The following FRMPD2 variants were observed in gnomAD, a reference collection of about 807,000 sequenced individuals.
FRMPD2 encodes FERM and PDZ domain-containing protein 2.
FRMPD2 carries 96 observed loss-of-function variants against 140.1 expected under a neutral mutation model. The ratio of observed to expected loss-of-function variants is 0.69; its 90% CI spans 0.58 to 0.81. The LOEUF (loss-of-function observed/expected upper bound fraction) is 0.81. Ranked by LOEUF, FRMPD2 falls within the 40% of genes least tolerant of loss-of-function variation. FRMPD2 has a pLI of 0.00. For synonymous variants in FRMPD2, 449 were observed against 547.6 expected, an observed-to-expected ratio of 0.82 and a Z score of 2.52; for missense variants, 1,240 against 1,447.4, an observed-to-expected ratio of 0.86 and a Z score of 2.32.
chr10:48,207,443 C>G (rs761100202), intron 13 of FRMPD2, among the ~76,000 whole-genome samples: 16 of 152,138 alleles, frequency 1.1e-4, no homozygotes, highest in Non-Finnish European at 2.2e-4. Flanking sequence ...GAGAAAATGA[C>G]CATTCATTTT....
rs551492410 is a variant in FRMPD2 at position 48,207,326 on chromosome 10, A to G, written c.1612-393T>C. On this transcript the variant is annotated intron_variant, in intron 13 of 28. Transcript: ENST00000374201. ...TCTTTTCCTTGTTGTGTCAGAGTCT[A>G]TAGTATTCTCTGTTCCAATCCCTTT... Among the ~76,000 whole-genome samples, 5 of 152,260 alleles carry G rather than the reference A, an allele frequency of 3.3e-5. No individual in the cohort carries two copies. In the South Asian group the frequency reaches 1.0e-3, roughly 32 times the overall value.
At chr10:48,172,615 A>C (rs1374255379) in intron 25 of FRMPD2, among the ~76,000 whole-genome samples, 1 of 151,270 alleles carries the variant, frequency 6.6e-6, no homozygotes, top group Non-Finnish European at 1.5e-5. Flanking sequence ...GTGAAGCCAA[A>C]TGTATCTGAA....
intron 1 of FRMPD2, among the ~76,000 whole-genome samples, chr10:48,261,373 T>C (rs1361508711): frequency 6.6e-6 from 1 of 151,580 alleles, no homozygotes; most frequent in East Asian, 1.9e-4. Context: ...TAATGGTAAA[T>C]TAATATTCCC....
chr10:48,172,507 A>T (rs1838288308), intron 25 of FRMPD2, among the ~76,000 whole-genome samples: 1 of 152,202 alleles, frequency 6.6e-6, no homozygotes, highest in Non-Finnish European at 1.5e-5. Context: ...TTTGCCTTTT[A>T]AAATGATGCT....
chr10:48,181,609 C>T (rs1235881475), intron 20 of FRMPD2, among the ~76,000 whole-genome samples: 1 of 151,910 alleles, frequency 6.6e-6, no homozygotes, highest in African/African-American at 2.4e-5. Context: ...CCTGCTCACC[C>T]TGTGTCTGAC....
At chr10:48,267,640 C>A (rs1367176233) in intron 1 of FRMPD2, among the ~76,000 whole-genome samples, 1 of 152,160 alleles carries the variant, frequency 6.6e-6, no homozygotes. Context: ...CACCAACAAT[C>A]CAATTTCAAA....
At chr10:48,198,101 C>A (rs1838994996) in intron 15 of FRMPD2, among the ~76,000 whole-genome samples, 1 of 152,172 alleles carries the variant, frequency 6.6e-6, no homozygotes, top group Admixed American at 6.5e-5. Context: ...ATTAACTTGT[C>A]TTATGTGATG....
chr10:48,181,824 T>C (rs2132422842), intron 20 of FRMPD2, among the ~76,000 whole-genome samples: 1 of 140,560 alleles, frequency 7.1e-6, no homozygotes, highest in South Asian at 2.2e-4. Context: ...AAGATAAAAA[T>C]ATATATGTAT....
chr10:48,263,015 C>T (rs377739868), intron 1 of FRMPD2, among the ~76,000 whole-genome samples: 1 of 151,896 alleles, frequency 6.6e-6, no homozygotes, highest in African/African-American at 2.4e-5. Context: ...AGAAGGATAG[C>T]CAGAATATCC....
At chr10:48,242,440 T>C in intron 4 of FRMPD2, 88 bp from the exon 5 acceptor site, 1 of 1,149,592 alleles carries the variant, frequency 8.7e-7, no homozygotes, top group South Asian at 1.5e-5. Flanking sequence ...CTTGGAGACA[T>C]GGAAACGGGT....
At chr10:48,188,343 G>A (rs1342507722) in intron 16 of FRMPD2, among the ~76,000 whole-genome samples, 1 of 152,188 alleles carries the variant, frequency 6.6e-6, no homozygotes, top group Non-Finnish European at 1.5e-5. Flanking sequence ...GAACAGGGGC[G>A]GTGGGGGGAG....
chr10:48,186,614 C>T (rs1218248117), intron 17 of FRMPD2, among the ~76,000 whole-genome samples: 1 of 152,234 alleles, frequency 6.6e-6, no homozygotes, highest in East Asian at 1.9e-4. Context: ...GATTCTGAGG[C>T]CTCCCCAGCC....
intron 1 of FRMPD2, among the ~76,000 whole-genome samples, chr10:48,262,080 A>G (rs1840601440): frequency 6.6e-6 from 1 of 152,218 alleles, no homozygotes; most frequent in African/African-American, 2.4e-5. Flanking sequence ...GAAAACAGTT[A>G]TAAATATGGT....
chr10:48,208,243 T>C (rs1328485052), intron 13 of FRMPD2, among the ~76,000 whole-genome samples: 1 of 152,246 alleles, frequency 6.6e-6, no homozygotes, highest in East Asian at 1.9e-4. Context: ...AATTAAGCAT[T>C]AATAAGTAGT....
chr10:48,222,000 G>GGATGGATGGATGGATGGATGGATA (rs1839602118), intron 12 of FRMPD2, among the ~76,000 whole-genome samples: 1 of 151,254 alleles, frequency 6.6e-6, no homozygotes, highest in Non-Finnish European at 1.5e-5. Context: ...ATGGATGGAT[G>GGATGGATGGATGGATGGATGGATA]GATGGATGGA....
intron 22 of FRMPD2, among the ~76,000 whole-genome samples, chr10:48,176,775 G>C (rs1217763157): frequency 9.2e-5 from 14 of 151,912 alleles, no homozygotes; most frequent in African/African-American, 3.4e-4. Flanking sequence ...GACCATATTT[G>C]GTATCAGCCT....
In FRMPD2 at chr10:48,242,210, C is replaced by T. The variant is rs1174193623; in HGVS notation, c.518G>A (p.Gly173Asp). The change falls in exon 5 of 29, where the codon GGT (glycine) becomes GAT (aspartate). Residue 173 changes from glycine to aspartate, a missense_variant. Gly to Asp is a moderately conservative substitution (Grantham distance 94). Coordinates refer to ENST00000374201, the MANE Select transcript of FRMPD2 (RefSeq NM_001018071.4). Reference sequence around the variant, plus strand: ...GCCAACCAGCCTTCTGATGTGGAGACCAGCAGGGGCTGGGTAGACAGACAC... The same window carrying T: ...GCCAACCAGCCTTCTGATGTGGAGATCAGCAGGGGCTGGGTAGACAGACAC... ...KEVSVYPAPAGLHIRRLVGLV... is the reference protein window; with the variant it reads ...KEVSVYPAPADLHIRRLVGLV... The T allele has an allele frequency of 3.1e-6, 5 of 1,613,996 alleles. No homozygotes were observed. The highest frequency in any genetic ancestry group is 4.2e-6 in the Non-Finnish European group (5 of 1,179,992).
chr10:48,192,867 T>C lies in FRMPD2; in HGVS notation c.1982A>G (p.Asn661Ser), dbSNP rs966242782. The C allele has an allele frequency of 1.2e-6, 2 of 1,614,004 alleles. No homozygotes were observed. Among genetic ancestry groups the C allele is most frequent in the African/African-American group, 2.7e-5 (2 of 75,044 alleles). Residue 661 changes from asparagine (N) to serine (S), a missense_variant, in exon 16 of 29, where the codon AAT becomes AGT. Transcript: ENST00000374201. ...CCGGGCCTGGTGTGCAGGACTCAAA[T>C]TGGCCATTTGCACAAACTTATCATG... ...FDHDKFVQMA[N>S]LSPAHQARSK... is the part of the protein sequence containing the mutation.
At chr10:48,253,955 T>C (rs369336525) in intron 1 of FRMPD2, among the ~76,000 whole-genome samples, 1 of 152,116 alleles carries the variant, frequency 6.6e-6, no homozygotes, top group Admixed American at 6.5e-5. Context: ...ACTAGAGGCT[T>C]GAAGTTGCTG....
Sources: allele counts gnomAD v4.1 joint callset (sites outside exome capture counted in the v4.1 genomes callset), GRCh38; gene constraint gnomAD v4.1.1; transcripts MANE v1.5; gene names NCBI Gene and HGNC (gene_info 2026-07-23, HGNC 2026-07-21).